The following ZBTB20 variants were observed in gnomAD, a reference collection of about 807,000 sequenced individuals.
ZBTB20 encodes zinc finger and BTB domain-containing protein 20.
Under a neutral mutation model 56.9 loss-of-function variants are expected in ZBTB20, and 9 were observed. The ratio of observed to expected loss-of-function variants is 0.16; its 90% CI spans 0.10 to 0.28. The LOEUF (loss-of-function observed/expected upper bound fraction) is 0.28. Among genes scored for constraint, ZBTB20 ranks in the 10% least tolerant of loss-of-function variants. The pLI, the probability that ZBTB20 is intolerant of heterozygous loss-of-function variation, is 1.00. For missense variants in ZBTB20, 655 were observed against 1,003.0 expected, an observed-to-expected ratio of 0.65 and a Z score of 4.69; for synonymous variants, 417 against 420.7, an observed-to-expected ratio of 0.99 and a Z score of 0.11.
chr3:114,353,437 A>G (rs911314962), intron 10 of ZBTB20, among the ~76,000 whole-genome samples: 1 of 152,226 alleles, frequency 6.6e-6, no homozygotes, highest in South Asian at 2.1e-4. Context: ...TCAATAATAC[A>G]ATTTGCACTA....
At chr3:114,964,210 T>C (rs1010621358) in intron 3 of ZBTB20, among the ~76,000 whole-genome samples, 25 of 151,522 alleles carry the variant, frequency 1.6e-4, no homozygotes, top group African/African-American at 4.4e-4. Context: ...AGGTCGGGAG[T>C]TCAAAACCAG....
At chr3:114,931,679 G>T (rs536802585) in intron 3 of ZBTB20, among the ~76,000 whole-genome samples, 6 of 151,664 alleles carry the variant, frequency 4.0e-5, no homozygotes, top group Admixed American at 6.6e-5. Context: ...AATAACAAAG[G>T]TTTTTATTGT....
rs1220465559 is a variant in ZBTB20, at chr3:114,324,486, A to G, written c.*14519T>C. Reference sequence around the variant, plus strand: ...TGATCACTTTTTCCCTCACCTCATTAGTCTCCTATTCTTTTTTTTTTCTGA... The same window carrying G: ...TGATCACTTTTTCCCTCACCTCATTGGTCTCCTATTCTTTTTTTTTTCTGA... On this transcript the variant is annotated 3_prime_UTR_variant, in exon 12 of 12. Transcript: ENST00000675478. The G allele has an allele frequency of 2.0e-5, 3 of 152,002 alleles. No homozygotes were observed. The highest frequency in any genetic ancestry group is 4.4e-5 in the Non-Finnish European group (3 of 67,988). The allele number at this position is 152,002 out of a possible 1,614,324, so 9.4% of individuals were successfully genotyped here.
chr3:114,663,640 A>G (rs2060879375), intron 6 of ZBTB20, among the ~76,000 whole-genome samples: 1 of 151,442 alleles, frequency 6.6e-6, no homozygotes. Flanking sequence ...TATTCAGGAA[A>G]CCCATCTCAC....
At chr3:114,699,164 C>A (rs1396100459) in intron 5 of ZBTB20, among the ~76,000 whole-genome samples, 2 of 152,074 alleles carry the variant, frequency 1.3e-5, no homozygotes, top group Admixed American at 1.3e-4. Flanking sequence ...GTTTTGTGTT[C>A]ATTTCCACCA....
intron 2 of ZBTB20, among the ~76,000 whole-genome samples, chr3:114,975,728 A>C (rs1490656255): frequency 1.3e-5 from 2 of 152,220 alleles, no homozygotes; most frequent in African/African-American, 2.4e-5. Context: ...TTAGGAACAG[A>C]AAAGAAAAAA....
At position 114,902,300 on chromosome 3, in the gene ZBTB20, A is replaced by G. The variant is rs2075151161; in HGVS notation, c.-455-1958T>C. Among the ~76,000 whole-genome samples the G allele has an allele frequency of 3.9e-5, 6 of 152,316 alleles. No homozygotes were observed. In the South Asian group the frequency reaches 8.3e-4, roughly 21 times the overall value. The stretch of plus-strand genomic sequence containing the variant: ...ACAGCCTAACTTATTCACTAATTCA[A>G]TCACATTCAGTGAGCATCTACTGCC... On this transcript the variant is annotated intron_variant, in intron 3 of 11. Transcript: ENST00000675478.
At chr3:114,387,729 G>A (rs890677829) in intron 8 of ZBTB20, 2 of 152,198 alleles carry the variant, frequency 1.3e-5, no homozygotes, top group East Asian at 1.9e-4. Context: ...GGAATTTCTC[G>A]GGTATTCCTT....
At chr3:114,893,024 C>T (rs2076881528) in intron 4 of ZBTB20, among the ~76,000 whole-genome samples, 1 of 152,186 alleles carries the variant, frequency 6.6e-6, no homozygotes, top group African/African-American at 2.4e-5. Flanking sequence ...TTTGTGAGAA[C>T]ATTTCCCAAA....
intron 3 of ZBTB20, among the ~76,000 whole-genome samples, chr3:114,956,971 G>A (rs533427130): frequency 6.6e-6 from 1 of 152,268 alleles, no homozygotes; most frequent in South Asian, 2.1e-4. Context: ...CAAATTCTGT[G>A]AGTGAGCTGG....
At chr3:114,723,830 C>A (rs563660030) in intron 5 of ZBTB20, among the ~76,000 whole-genome samples, 4 of 152,136 alleles carry the variant, frequency 2.6e-5, no homozygotes, top group South Asian at 4.1e-4. Context: ...ATTCCAGTAG[C>A]CTTTGCATAG....
At chr3:114,812,613 T>G (rs1373345363) in intron 4 of ZBTB20, among the ~76,000 whole-genome samples, 1 of 152,220 alleles carries the variant, frequency 6.6e-6, no homozygotes, top group Non-Finnish European at 1.5e-5. Context: ...CCCACCAGAC[T>G]TAGGAGCCCA....
chr3:114,723,874 CT>C (rs372229997), intron 5 of ZBTB20, among the ~76,000 whole-genome samples: 1 of 149,372 alleles, frequency 6.7e-6, no homozygotes, highest in Non-Finnish European at 1.5e-5. Context: ...TCCTTCTTTT[CT>C]TTTTTTTTTC....
rs145607056 is a variant in ZBTB20 at position 114,743,074 on chromosome 3, C to T, written c.-342-49499G>A. ...TACAAGTGACAATTTTTTTACAAAG[C>T]ATTGTCACAGCAGAACATGGTCATA... On this transcript the variant is annotated intron_variant, in intron 5 of 11. Coordinates refer to ENST00000675478, the MANE Select transcript of ZBTB20 (RefSeq NM_001348800.3). Among the ~76,000 whole-genome samples the T allele has an allele frequency of 4.3e-3, 660 of 152,194 alleles. 7 individuals are homozygous for T. The highest frequency in any genetic ancestry group is 0.022 in the South Asian group (106 of 4,806).
Position 114,328,163 on chromosome 3 carries a change from C to T in ZBTB20, c.*10842G>A, listed in dbSNP as rs1004150323. ...CTCTGGTTGCAAAAACAGACACTTTCAAAACTTTATGGATCTTTTCATCCA... is the reference window on the plus strand; with the variant it reads ...CTCTGGTTGCAAAAACAGACACTTTTAAAACTTTATGGATCTTTTCATCCA... On this transcript the variant is annotated 3_prime_UTR_variant, in exon 12 of 12. Coordinates refer to ENST00000675478, the MANE Select transcript of ZBTB20 (RefSeq NM_001348800.3). 5 of 152,056 alleles carry T rather than the reference C, an allele frequency of 3.3e-5. No individual in the cohort carries two copies. The highest frequency in any genetic ancestry group is 7.4e-5 in the Non-Finnish European group (5 of 68,010). The allele number at this position is 152,056 out of a possible 1,614,324, so 9.4% of individuals were successfully genotyped here. A position where few individuals can be genotyped will look rare whatever the true frequency, so the allele number is the denominator to read the frequency against.
intron 6 of ZBTB20, among the ~76,000 whole-genome samples, chr3:114,532,590 C>A (rs2047980482): frequency 6.6e-6 from 1 of 152,214 alleles, no homozygotes; most frequent in Non-Finnish European, 1.5e-5. Context: ...TCCCACCTGC[C>A]AGCTCTGAAG....
intron 5 of ZBTB20, among the ~76,000 whole-genome samples, chr3:114,732,131 C>T (rs1442139289): frequency 6.6e-6 from 1 of 152,122 alleles, no homozygotes; most frequent in East Asian, 1.9e-4. Context: ...GACTGTTGCT[C>T]AGGACTAACA....
intron 1 of ZBTB20, among the ~76,000 whole-genome samples, chr3:115,116,221 T>C (rs562917120): frequency 4.7e-4 from 72 of 152,222 alleles, no homozygotes; most frequent in Non-Finnish European, 5.2e-4. Flanking sequence ...CAGGATGTTC[T>C]GTTTAAGTAG....
intron 8 of ZBTB20, among the ~76,000 whole-genome samples, chr3:114,387,064 G>A (rs973201924): frequency 2.0e-5 from 3 of 152,156 alleles, no homozygotes; most frequent in East Asian, 1.9e-4. Context: ...CACCTCTGCC[G>A]TGACAGACTT....
Sources: allele counts gnomAD v4.1 joint callset (sites outside exome capture counted in the v4.1 genomes callset), GRCh38; gene constraint gnomAD v4.1.1; transcripts MANE v1.5; gene names NCBI Gene and HGNC (gene_info 2026-07-23, HGNC 2026-07-21).